Variants in NRG1 observed in about 807,000 individuals in gnomAD.
NRG1 encodes neuregulin 1, also known as pro-neuregulin-1, membrane-bound isoform.
A neutral mutation model predicts 63.8 loss-of-function variants in NRG1; 18 were observed. That is an observed-to-expected ratio of 0.28 (90% CI 0.19 to 0.42). The LOEUF is 0.42. NRG1 is among the 10% of genes least tolerant of loss of function. The pLI, the probability that NRG1 is intolerant of heterozygous loss-of-function variation, is 1.00. For missense variants in NRG1, 762 were observed against 814.7 expected (o/e 0.94, Z 0.79); for synonymous variants, 302 against 301.3 (o/e 1.00, Z -0.02).
chr8:32,268,918 A>G (rs957404488), intron 1 of NRG1, among the ~76,000 whole-genome samples: 7 of 152,208 alleles, frequency 4.6e-5, no homozygotes, highest in Non-Finnish European at 8.8e-5. Context: ...TCACTTAAAG[A>G]ACAGGGATAC....
At chr8:31,840,349 CTTTT>C (rs71992716) in intron 1 of NRG1, among the ~76,000 whole-genome samples, 9 of 116,858 alleles carry the variant, frequency 7.7e-5, no homozygotes, top group Admixed American at 3.9e-4. Flanking sequence ...TATTCTCTGT[CTTTT>C]TTTTTTTTTT....
At chr8:31,959,224 A>G (rs1804999340) in intron 1 of NRG1, among the ~76,000 whole-genome samples, 2 of 152,190 alleles carry the variant, frequency 1.3e-5, no homozygotes, top group African/African-American at 4.8e-5. Context: ...TTCTGTTGGC[A>G]TACACATTGG....
At chr8:32,034,494 A>G (rs1251907642) in intron 1 of NRG1, among the ~76,000 whole-genome samples, 5 of 151,768 alleles carry the variant, frequency 3.3e-5, no homozygotes, top group Non-Finnish European at 7.4e-5. Flanking sequence ...TCCCTCTTTC[A>G]ATTGTTTGGA....
At chr8:31,812,604 C>A (rs1156549393) in intron 1 of NRG1, among the ~76,000 whole-genome samples, 2 of 150,890 alleles carry the variant, frequency 1.3e-5, no homozygotes, top group Non-Finnish European at 1.5e-5. Flanking sequence ...CCTTTTTTAT[C>A]TCCTCTCCTT....
intron 5 of NRG1, among the ~76,000 whole-genome samples, chr8:32,691,901 T>G (rs1385753782): frequency 6.6e-6 from 1 of 152,232 alleles, no homozygotes; most frequent in Admixed American, 6.5e-5. Flanking sequence ...GTGTATATCT[T>G]GTTTTCCCTA....
chr8:32,208,510 G>A (rs565361105), intron 1 of NRG1, among the ~76,000 whole-genome samples: 3 of 152,044 alleles, frequency 2.0e-5, no homozygotes, highest in South Asian at 2.1e-4. Context: ...CGCCCACGTC[G>A]GCCTCCCAAA....
intron 5 of NRG1, chr8:32,646,932 G>A (rs915470109): frequency 1.0e-6 from 1 of 985,070 alleles, no homozygotes; most frequent in Non-Finnish European, 1.2e-6. Context: ...GAGAGAGGAC[G>A]GGCTTGGATG....
chr8:31,893,756 A>G (rs185041142), intron 1 of NRG1, among the ~76,000 whole-genome samples: 16 of 152,096 alleles, frequency 1.1e-4, no homozygotes, highest in African/African-American at 3.8e-4. Flanking sequence ...TAGTTTATTT[A>G]ACATGTGACT....
intron 1 of NRG1, among the ~76,000 whole-genome samples, chr8:31,899,569 G>T (rs1347441127): frequency 2.0e-5 from 3 of 151,964 alleles, no homozygotes; most frequent in Non-Finnish European, 4.4e-5. Context: ...ATTTCTTACT[G>T]GTCCATTGGC....
chr8:32,274,336 T>A (rs928504873), intron 1 of NRG1, among the ~76,000 whole-genome samples: 2 of 152,144 alleles, frequency 1.3e-5, no homozygotes, highest in Admixed American at 1.3e-4. Flanking sequence ...ACACCAATGC[T>A]TTGTGTGAAA....
Position 31,729,307 on chromosome 8 carries a change from T to C in NRG1, c.37+89876T>C, listed in dbSNP as rs190737797. ...GTCAAAATTAAAATAGATTCTGCTTTCTACCTTGGCAAGTAACATGTATTA... is the reference window on the plus strand; with the variant it reads ...GTCAAAATTAAAATAGATTCTGCTTCCTACCTTGGCAAGTAACATGTATTA... On this transcript the variant is annotated intron_variant, in intron 1 of 10. Coordinates refer to the NRG1 transcript ENST00000519301. Among the ~76,000 whole-genome samples, 42 of 152,258 alleles carry C rather than the reference T, an allele frequency of 2.8e-4. No individual in the cohort carries two copies. In the East Asian group the frequency reaches 8.1e-3, roughly 29 times the overall value.
intron 5 of NRG1, among the ~76,000 whole-genome samples, chr8:32,708,808 C>T (rs571080853): frequency 6.6e-6 from 1 of 152,192 alleles, no homozygotes; most frequent in African/African-American, 2.4e-5. Context: ...ATGAGGGTTC[C>T]TGCTCTATTG....
chr8:32,503,382 A>G (rs1243391034), intron 1 of NRG1, among the ~76,000 whole-genome samples: 2 of 151,256 alleles, frequency 1.3e-5, no homozygotes, highest in Admixed American at 6.6e-5. Context: ...CTTTGAAATT[A>G]TCTACCTATT....
chr8:32,200,191 T>C (rs1290485076), intron 1 of NRG1, among the ~76,000 whole-genome samples: 1 of 152,218 alleles, frequency 6.6e-6, no homozygotes, highest in East Asian at 1.9e-4. Context: ...TCCTATGAGT[T>C]TGACATTGGT....
At chr8:31,881,841 G>T (rs1000411055) in intron 1 of NRG1, among the ~76,000 whole-genome samples, 5 of 152,180 alleles carry the variant, frequency 3.3e-5, no homozygotes, top group Admixed American at 3.3e-4. Context: ...TGAGGAAGCT[G>T]CAGAAGAAAA....
intron 1 of NRG1, among the ~76,000 whole-genome samples, chr8:31,888,321 T>G (rs1290097371): frequency 2.0e-5 from 3 of 152,136 alleles, no homozygotes; most frequent in Non-Finnish European, 2.9e-5. Flanking sequence ...TCACCCTATA[T>G]CAGTACAGAA....
chr8:32,736,466 G>A (rs1206412052), intron 6 of NRG1, among the ~76,000 whole-genome samples: 1 of 152,242 alleles, frequency 6.6e-6, no homozygotes, highest in Non-Finnish European at 1.5e-5. Flanking sequence ...TTTACACAGA[G>A]AGAGAGCAAA....
chr8:31,757,415 AC>A (rs1817082270), intron 1 of NRG1, among the ~76,000 whole-genome samples: 1 of 152,282 alleles, frequency 6.6e-6, no homozygotes, highest in East Asian at 1.9e-4. Flanking sequence ...GGCTAAAAAA[AC>A]AACTCCACTA....
intron 1 of NRG1, among the ~76,000 whole-genome samples, chr8:31,691,372 C>T (rs1053733532): frequency 3.3e-5 from 5 of 152,060 alleles, no homozygotes; most frequent in African/African-American, 1.2e-4. Context: ...CTTTGGGAGG[C>T]TGAGGCGGGC....
Sources: allele counts gnomAD v4.1 joint callset (sites outside exome capture counted in the v4.1 genomes callset), GRCh38; gene constraint gnomAD v4.1.1; transcripts MANE v1.5; gene names NCBI Gene and HGNC (gene_info 2026-07-23, HGNC 2026-07-21).